SNX30: variants seen among roughly 807,000 people sequenced by gnomAD.
The protein encoded by SNX30 is sorting nexin-30.
A neutral mutation model predicts 46.4 loss-of-function variants in SNX30; 24 were observed. That is an observed-to-expected ratio of 0.52 (90% CI 0.37 to 0.73). The LOEUF is 0.73. SNX30 is among the 30% of genes least tolerant of loss of function. The probability of loss-of-function intolerance (pLI) is 0.00; values close to 1 mark genes in which losing one functional copy is unlikely to be tolerated. For missense variants in SNX30, 533 were observed against 555.7 expected (o/e 0.96, Z 0.41); for synonymous variants, 189 against 211.5 (o/e 0.89, Z 0.92).
intron 6 of SNX30, among the ~76,000 whole-genome samples, chr9:112,843,686 G>A (rs953979463): frequency 7.4e-6 from 1 of 135,266 alleles, no homozygotes; most frequent in African/African-American, 2.8e-5. Flanking sequence ...CGTGATCTCA[G>A]CTCACTGCAA....
chr9:112,758,437 C>A (rs976753624), intron 1 of SNX30, among the ~76,000 whole-genome samples: 1 of 152,164 alleles, frequency 6.6e-6, no homozygotes, highest in Admixed American at 6.5e-5. Flanking sequence ...TCAAGAGATT[C>A]TCCTGCCTCA....
intron 1 of SNX30, among the ~76,000 whole-genome samples, chr9:112,785,556 G>T (rs1036616761): frequency 2.0e-5 from 3 of 152,062 alleles, no homozygotes; most frequent in African/African-American, 7.2e-5. Context: ...GCTAATTTTT[G>T]TATTTTTTGT....
Position 112,836,308 on chromosome 9 carries a change from G to A in SNX30, c.713G>A (p.Arg238Gln), listed in dbSNP as rs1198401586. 8 of 1,613,510 alleles carry A rather than the reference G, an allele frequency of 5.0e-6. No individual in the cohort carries two copies. In the South Asian group the frequency reaches 5.5e-5, roughly 11 times the overall value. ...ACTGGCGGCTACAAGCTGAGGACTCGGCCGCTTGAGTTTGCTGCCATAGGT... is the reference window on the plus strand; with the variant it reads ...ACTGGCGGCTACAAGCTGAGGACTCAGCCGCTTGAGTTTGCTGCCATAGGT... ...HVTGGYKLRT[R>Q]PLEFAAIGDY... The change falls in exon 5 of 9, where the codon CGG becomes CAG. Residue 238 changes from arginine to glutamine, a missense_variant. Coordinates refer to ENST00000374232, the MANE Select transcript of SNX30 (RefSeq NM_001012994.2).
chr9:112,813,841 T>C (rs1840357270), intron 2 of SNX30, among the ~76,000 whole-genome samples: 2 of 152,086 alleles, frequency 1.3e-5, no homozygotes, highest in African/African-American at 4.8e-5. Flanking sequence ...AGAATAAATA[T>C]GCCATAATTT....
chr9:112,881,896 C>G (rs911741072), downstream of SNX30, among the ~76,000 whole-genome samples: 8 of 152,072 alleles, frequency 5.3e-5, no homozygotes, highest in Admixed American at 2.0e-4. Flanking sequence ...GGAAAATTCT[C>G]TTTGAGAAAA....
At chr9:112,768,647 C>CTTT (rs58983756) in intron 1 of SNX30, among the ~76,000 whole-genome samples, 9 of 64,350 alleles carry the variant, frequency 1.4e-4, no homozygotes, top group Non-Finnish European at 2.0e-4. Context: ...ATTCTTTCTT[C>CTTT]TTTTTTTTTT....
At chr9:112,882,549 G>A (rs769101225), downstream of SNX30, among the ~76,000 whole-genome samples, 3 of 152,198 alleles carry the variant, frequency 2.0e-5, no homozygotes, top group South Asian at 2.1e-4. Context: ...AAGAGTGGCT[G>A]TATGGAGAAT....
downstream of SNX30, among the ~76,000 whole-genome samples, chr9:112,883,441 A>G (rs960046142): frequency 6.6e-6 from 1 of 152,112 alleles, no homozygotes; most frequent in Admixed American, 6.5e-5. Flanking sequence ...CAAGTTATTT[A>G]ATACCTTGGA....
At chr9:112,764,142 T>A (rs1229373047) in intron 1 of SNX30, among the ~76,000 whole-genome samples, 2 of 152,058 alleles carry the variant, frequency 1.3e-5, no homozygotes, top group Non-Finnish European at 1.5e-5. Flanking sequence ...GAAGATGATG[T>A]TTGAGCTGGA....
chr9:112,879,635 C>T (rs894046414), downstream of SNX30: 6 of 820,480 alleles, frequency 7.3e-6, no homozygotes, highest in Non-Finnish European at 1.2e-5. Context: ...ATTCTGAGGC[C>T]AACTCTGGCT....
chr9:112,764,956 A>G (rs145091309), intron 1 of SNX30, among the ~76,000 whole-genome samples: 239 of 152,224 alleles, frequency 1.6e-3, no homozygotes, highest in South Asian at 3.7e-3. Flanking sequence ...GTGCCTCCAG[A>G]AAGGGAGTGA....
At chr9:112,805,263 A>G (rs1840208981) in intron 2 of SNX30, among the ~76,000 whole-genome samples, 1 of 152,094 alleles carries the variant, frequency 6.6e-6, no homozygotes, top group Admixed American at 6.5e-5. Flanking sequence ...TGTTAATATC[A>G]TATTGCTTCT....
At chr9:112,775,289 G>A (rs541829021) in intron 1 of SNX30, among the ~76,000 whole-genome samples, 1 of 151,398 alleles carries the variant, frequency 6.6e-6, no homozygotes, top group South Asian at 2.1e-4. Context: ...CCAAGTGGCT[G>A]GGATTACAGG....
chr9:112,772,491 G>GGGCTGTGGTACTCGTGTGTGC (rs1412462636), intron 1 of SNX30, among the ~76,000 whole-genome samples: 28 of 152,274 alleles, frequency 1.8e-4, no homozygotes, highest in African/African-American at 6.7e-4. Flanking sequence ...GACAGGTGTG[G>GGGCTGTGGTACTCGTGTGTGC]GGCTGTGGTA....
chr9:112,750,335 T>C (rs1839243449), upstream of SNX30: 1 of 152,186 alleles, frequency 6.6e-6, no homozygotes, highest in Non-Finnish European at 1.5e-5. Context: ...ATTCTTCCGA[T>C]ATGGGTCGTA....
At chr9:112,766,964 A>G (rs1241374484) in intron 1 of SNX30, among the ~76,000 whole-genome samples, 1 of 152,188 alleles carries the variant, frequency 6.6e-6, no homozygotes, top group African/African-American at 2.4e-5. Context: ...ATATGGATAT[A>G]TACCTAGAAG....
At chr9:112,855,846 C>T (rs1841117893) in intron 7 of SNX30, among the ~76,000 whole-genome samples, 1 of 152,084 alleles carries the variant, frequency 6.6e-6, no homozygotes, top group Admixed American at 6.5e-5. Context: ...GGGCTGGCTG[C>T]CTTCTCCTGG....
At chr9:112,751,508 G>A (rs544761355) in intron 1 of SNX30, among the ~76,000 whole-genome samples, 12 of 152,366 alleles carry the variant, frequency 7.9e-5, no homozygotes, top group African/African-American at 2.9e-4. Context: ...TGCAGGCTGA[G>A]CTGCTGCATA....
At chr9:112,822,268 G>T (rs757765661) in intron 3 of SNX30, among the ~76,000 whole-genome samples, 2 of 152,158 alleles carry the variant, frequency 1.3e-5, no homozygotes, top group African/African-American at 2.4e-5. Flanking sequence ...TATGCTGGTT[G>T]TATATGTTTG....
Sources: allele counts gnomAD v4.1 joint callset (sites outside exome capture counted in the v4.1 genomes callset), GRCh38; gene constraint gnomAD v4.1.1; transcripts MANE v1.5; gene names NCBI Gene and HGNC (gene_info 2026-07-23, HGNC 2026-07-21).